RUFY4: variants seen among roughly 807,000 people sequenced by gnomAD.
RUFY4 encodes RUN and FYVE domain-containing protein 4.
In RUFY4, 73 loss-of-function variants were observed where a neutral mutation model predicts 69.0. The observed-to-expected ratio is 1.06, with a 90% CI of 0.88 to 1.29. RUFY4 has a LOEUF of 1.29. Among genes scored for constraint, RUFY4 ranks in the 50% most tolerant of loss-of-function variants. The pLI is 0.00. For missense variants in RUFY4, 770 were observed against 705.6 expected, an observed-to-expected ratio of 1.09 and a Z score of -1.03; for synonymous variants, 287 against 271.8, an observed-to-expected ratio of 1.06 and a Z score of -0.55.
At chr2:218,055,334 G>A (rs532802776) in intron 2 of RUFY4, among the ~76,000 whole-genome samples, 37 of 152,064 alleles carry the variant, frequency 2.4e-4, no homozygotes, top group African/African-American at 8.7e-4. Flanking sequence ...AGTGGAGGTT[G>A]CAGTGAGCCA....
chr2:218,070,947 G>A, intron 2 of RUFY4, 88 bp downstream of exon 4: 2 of 980,044 alleles, frequency 2.0e-6, no homozygotes, highest in Non-Finnish European at 3.0e-6. Context: ...AGGAGCCACA[G>A]CCCCCTTCCT....
upstream of RUFY4, chr2:218,069,056 G>A (rs1689417491): frequency 6.6e-6 from 1 of 152,374 alleles, no homozygotes; most frequent in African/African-American, 2.4e-5. Flanking sequence ...CAATGGATCA[G>A]CCCCCATTTG....
At chr2:218,076,450 G>C (rs1387867232) in exon 8 of RUFY4, 1 of 1,549,922 alleles carries the variant, frequency 6.5e-7, no homozygotes, top group Non-Finnish European at 8.7e-7. Flanking sequence ...GGCTCCGGAA[G>C]GCTGAGGAGC....
intron 2 of RUFY4, among the ~76,000 whole-genome samples, chr2:218,047,393 T>C (rs1688853326): frequency 6.6e-6 from 1 of 152,128 alleles, no homozygotes; most frequent in Non-Finnish European, 1.5e-5. Context: ...CAACTTTCTG[T>C]ATCTATTCAT....
chr2:218,071,875 C>G (rs551435289), intron 2 of RUFY4, among the ~76,000 whole-genome samples: 54 of 152,194 alleles, frequency 3.5e-4, no homozygotes, highest in Non-Finnish European at 5.9e-4. Flanking sequence ...CAGGCAGCAT[C>G]TGCTCAGCCC....
intron 9 of RUFY4, among the ~76,000 whole-genome samples, chr2:218,088,064 G>C (rs1689934465): frequency 6.6e-6 from 1 of 152,138 alleles, no homozygotes; most frequent in Non-Finnish European, 1.5e-5. Context: ...CGTCAGAAAT[G>C]GTTTGCCACT....
At chr2:218,065,793 G>T (rs968587180), upstream of RUFY4, 2 of 152,654 alleles carry the variant, frequency 1.3e-5, no homozygotes, top group Non-Finnish European at 1.5e-5. Flanking sequence ...CCTTCCAGGA[G>T]TCAGACAGCA....
intron 2 of RUFY4, among the ~76,000 whole-genome samples, chr2:218,054,302 TC>T (rs1689010919): frequency 6.6e-6 from 1 of 152,146 alleles, no homozygotes. Context: ...TGTCTGTAGT[TC>T]CAACACTTTG....
chr2:218,073,320 A>G (rs749444910), exon 5 of RUFY4: 12 of 1,572,522 alleles, frequency 7.6e-6, no homozygotes, highest in Admixed American at 3.7e-5. Context: ...TATGCTCTCA[A>G]TGGGGTGGCC....
chr2:218,089,877 C>A, intron 10 of RUFY4, 75 bp from the exon 13 acceptor site: 7 of 988,538 alleles, frequency 7.1e-6, no homozygotes, highest in Non-Finnish European at 1.1e-5. Flanking sequence ...TGCTGGAACT[C>A]CATGACCTCA....
At chr2:218,065,718 G>C (rs1368558811), upstream of RUFY4, 7 of 152,466 alleles carry the variant, frequency 4.6e-5, no homozygotes, top group African/African-American at 7.2e-5. Flanking sequence ...CAACTGAGCA[G>C]AGGGCTCTAC....
intron 2 of RUFY4, among the ~76,000 whole-genome samples, chr2:218,044,617 C>T (rs750979037): frequency 6.6e-6 from 1 of 152,142 alleles, no homozygotes; most frequent in Non-Finnish European, 1.5e-5. Flanking sequence ...GATAAACCCC[C>T]CAGTGTGTGT....
intron 3 of RUFY4, chr2:218,060,939 A>C: frequency 1.1e-6 from 1 of 889,120 alleles, no homozygotes; most frequent in Non-Finnish European, 1.9e-6. Flanking sequence ...GAACTTGACC[A>C]AGTGGCGCTG....
chr2:218,083,192 G>A lies in RUFY4; in HGVS notation c.1438G>A (p.Glu480Lys), dbSNP rs866607339. ...TGAGAGGAGGGATGCCATGTACCAGGAGGAGCTTGGAGGGCAGCGGGACTT... is the reference window on the plus strand; with the variant it reads ...TGAGAGGAGGGATGCCATGTACCAGAAGGAGCTTGGAGGGCAGCGGGACTT... The change falls in exon 9 of 11, where the codon GAG (glutamate) becomes AAG (lysine). Residue 480 changes from glutamate to lysine, a missense_variant. Physicochemically the swap from Glu to Lys is moderately conservative, Grantham distance 56. Coordinates refer to ENST00000344321, the Ensembl canonical transcript of RUFY4. The A allele has an allele frequency of 9.9e-6, 16 of 1,613,532 alleles. No homozygotes were observed. In the Middle Eastern group the frequency reaches 1.2e-3, roughly 116 times the overall value.
chr2:218,072,871 C>T (rs996838638), exon 4 of RUFY4: 66 of 1,532,868 alleles, frequency 4.3e-5, no homozygotes, highest in Non-Finnish European at 5.5e-5. Flanking sequence ...GCCTCCTGAA[C>T]TCAGAGCTCA....
intron 9 of RUFY4, among the ~76,000 whole-genome samples, chr2:218,086,845 C>T (rs1233135158): frequency 2.0e-5 from 3 of 151,938 alleles, no homozygotes; most frequent in Non-Finnish European, 4.4e-5. Context: ...GACCAAGGAC[C>T]CAGGAGGAAG....
rs184892260 is a variant in RUFY4 at position 218,046,084 on chromosome 2, C to T, written c.-1158+10690C>T. ...CCTCCCAAAGTGCTGGGATTACAGG[C>T]GTGAGCCACCGAGCCCAGCCCATAG... On this transcript the variant is annotated intron_variant and NMD_transcript_variant, in intron 2 of 13. Coordinates refer to the RUFY4 transcript ENST00000457754. Among the ~76,000 whole-genome samples the T allele has an allele frequency of 1.8e-3, 280 of 152,126 alleles. 2 individuals are homozygous for T. Among genetic ancestry groups the T allele is most frequent in the East Asian group, 2.7e-3 (14 of 5,160 alleles).
intron 3 of RUFY4, chr2:218,060,549 G>A: frequency 7.7e-7 from 1 of 1,302,054 alleles, no homozygotes; most frequent in Admixed American, 1.7e-5. Flanking sequence ...CCTGGTTGAT[G>A]TCGTTGCGGC....
intron 9 of RUFY4, among the ~76,000 whole-genome samples, chr2:218,087,103 A>G (rs897665702): frequency 6.6e-6 from 1 of 152,152 alleles, no homozygotes; most frequent in African/African-American, 2.4e-5. Context: ...GAATCAACTT[A>G]AAAGCAAAGC....
Sources: allele counts gnomAD v4.1 joint callset (sites outside exome capture counted in the v4.1 genomes callset), GRCh38; gene constraint gnomAD v4.1.1; transcripts MANE v1.5; gene names NCBI Gene and HGNC (gene_info 2026-07-23, HGNC 2026-07-21).